The following TMPRSS7 variants were observed in gnomAD, a reference collection of about 807,000 sequenced individuals.
TMPRSS7 encodes transmembrane serine protease 7.
A neutral mutation model predicts 95.6 loss-of-function variants in TMPRSS7; 81 were observed. That is an observed-to-expected ratio of 0.85 (90% CI 0.71 to 1.02). The LOEUF is 1.02. Among genes scored for constraint, TMPRSS7 ranks in the 50% least tolerant of loss-of-function variants. The probability of loss-of-function intolerance (pLI) is 0.00; values close to 1 mark genes in which losing one functional copy is unlikely to be tolerated. For missense variants in TMPRSS7, 945 were observed against 955.2 expected (o/e 0.99, Z 0.14); for synonymous variants, 364 against 337.8 (o/e 1.08, Z -0.85).
Position 112,077,158 on chromosome 3 carries a change from T to G in TMPRSS7, c.2224+14T>G. 6.2e-7 allele frequency: 1 copy of G among 1,611,676 alleles called. No individual in the cohort carries two copies. Among genetic ancestry groups the G allele is most frequent in the Non-Finnish European group, 8.5e-7 (1 of 1,178,600 alleles). On this transcript the variant is annotated intron_variant, in intron 16 of 17. Coordinates refer to ENST00000452346, the Ensembl canonical transcript of TMPRSS7. ...GACACGAAGCAGGTGTGTGTATGAA[T>G]GAATGGTCATGCCCTTCCCCTGCAG...
At chr3:112,045,894 G>T (rs1261911771) in exon 5 of TMPRSS7, 2 of 1,551,878 alleles carry the variant, frequency 1.3e-6, no homozygotes. Flanking sequence ...GGACCTCTGT[G>T]GGGAGCTTGC....
chr3:112,063,649 T>G lies in TMPRSS7; in HGVS notation c.1555+17T>G. ...TGTTTTGCGGTGGGTATTCAAGATTTTAATATGACTTTCTTATGAATAAGT... is the reference window on the plus strand; with the variant it reads ...TGTTTTGCGGTGGGTATTCAAGATTGTAATATGACTTTCTTATGAATAAGT... On this transcript the variant is annotated intron_variant, in intron 12 of 17. Coordinates refer to ENST00000452346, the Ensembl canonical transcript of TMPRSS7. 6.3e-7 allele frequency: 1 copy of G among 1,584,590 alleles called. No homozygotes were observed. Among genetic ancestry groups the G allele is most frequent in the Non-Finnish European group, 8.7e-7 (1 of 1,153,216 alleles).
At chr3:112,042,238 C>A (rs953079917) in intron 3 of TMPRSS7, among the ~76,000 whole-genome samples, 188 bp downstream of exon 3, 1 of 152,000 alleles carries the variant, frequency 6.6e-6, no homozygotes, top group Non-Finnish European at 1.5e-5. Context: ...TAGAATTTCT[C>A]CCCCTGCCCC....
At chr3:112,045,937 C>T in exon 5 of TMPRSS7, 1 of 1,547,416 alleles carries the variant, frequency 6.5e-7, no homozygotes, top group Non-Finnish European at 8.7e-7. Context: ...CTCTGTGGTA[C>T]TAAATGGTGA....
chr3:112,058,793 C>T (rs1435617298), intron 10 of TMPRSS7, among the ~76,000 whole-genome samples: 1 of 152,148 alleles, frequency 6.6e-6, no homozygotes, highest in African/African-American at 2.4e-5. Context: ...TAAGTAGGAG[C>T]AGAATCTGCT....
chr3:112,052,568 G>T lies in TMPRSS7; in HGVS notation c.1203+1785G>T, dbSNP rs140350554. On this transcript the variant is annotated intron_variant, in intron 9 of 17. Coordinates refer to ENST00000452346, the Ensembl canonical transcript of TMPRSS7. ...GCCAGGTTCTCAAGGCTTCAGGGCA[G>T]CAGAAATGCAGGGCCTCAGATAAGC... is the stretch of plus-strand genomic sequence containing the variant. 4.5e-3 allele frequency among the ~76,000 whole-genome samples: 685 copies of T among 152,252 alleles called. 6 individuals carry two copies. Among genetic ancestry groups the T allele is most frequent in the African/African-American group, 0.016 (654 of 41,526 alleles).
rs148046106 is a variant in TMPRSS7, at chr3:112,040,893, C to T, written c.299-1027C>T. On this transcript the variant is annotated intron_variant, in intron 2 of 17. Transcript: ENST00000452346. ...GAGAAACAGGTAAACAGGGAGACTA[C>T]GGAGGATCTTGTACATTAGGCTGAA... Among the ~76,000 whole-genome samples the T allele has an allele frequency of 4.5e-3, 678 of 152,142 alleles. 3 individuals are homozygous for T. The highest frequency in any genetic ancestry group is 0.016 in the African/African-American group (646 of 41,484).
At chr3:112,052,049 G>A (rs1390001004) in intron 9 of TMPRSS7, among the ~76,000 whole-genome samples, 1 of 152,082 alleles carries the variant, frequency 6.6e-6, no homozygotes, top group Non-Finnish European at 1.5e-5. Context: ...TTACCTTCCA[G>A]TAGGGGAAGG....
chr3:112,060,284 CATT>C (rs1475289357), intron 10 of TMPRSS7, among the ~76,000 whole-genome samples: 2 of 151,716 alleles, frequency 1.3e-5, no homozygotes, highest in Non-Finnish European at 2.9e-5. Context: ...TTCGGGCACA[CATT>C]GTCATTGATA....
intron 15 of TMPRSS7, among the ~76,000 whole-genome samples, chr3:112,076,527 G>A (rs1456400583): frequency 1.3e-5 from 2 of 152,176 alleles, no homozygotes; most frequent in Non-Finnish European, 2.9e-5. Flanking sequence ...GCATGAATAG[G>A]AAGAATGTAA....
intron 9 of TMPRSS7, among the ~76,000 whole-genome samples, chr3:112,054,975 G>T (rs530706452): frequency 6.6e-6 from 1 of 151,918 alleles, no homozygotes; most frequent in East Asian, 1.9e-4. Context: ...TCCTGACGTC[G>T]TGATCCGCCC....
chr3:112,063,167 C>T (rs1446435258), intron 11 of TMPRSS7, among the ~76,000 whole-genome samples: 1 of 152,244 alleles, frequency 6.6e-6, no homozygotes, highest in Non-Finnish European at 1.5e-5. Flanking sequence ...AAAGACTCCA[C>T]ATTAGGAATG....
At chr3:112,047,148 C>T in intron 6 of TMPRSS7, 136 bp downstream of exon 6, 1 of 639,166 alleles carries the variant, frequency 1.6e-6, no homozygotes, top group Non-Finnish European at 2.8e-6. Context: ...CTGCCTTAAG[C>T]ACAAAAGAAA....
intron 7 of TMPRSS7, among the ~76,000 whole-genome samples, chr3:112,049,576 G>A (rs7622025): frequency 0.31 from 46,563 of 151,996 alleles, 7,288 homozygotes; most frequent in African/African-American, 0.34. Context: ...CTACTTTTAT[G>A]CCGTATTTGT....
chr3:112,067,137 T>C (rs1354189359), intron 13 of TMPRSS7, among the ~76,000 whole-genome samples: 1 of 152,240 alleles, frequency 6.6e-6, no homozygotes, highest in African/African-American at 2.4e-5. Context: ...GCTTCATCCA[T>C]GTCCCTGCAA....
exon 16 of TMPRSS7, chr3:112,077,029 C>T (rs774870852): frequency 1.9e-6 from 3 of 1,614,062 alleles, no homozygotes; most frequent in South Asian, 1.1e-5. Context: ...TCAGTATTGC[C>T]TGGCCTGAGA....
At chr3:112,079,416 G>T (rs1189705829) in intron 17 of TMPRSS7, among the ~76,000 whole-genome samples, 1 of 152,186 alleles carries the variant, frequency 6.6e-6, no homozygotes. Context: ...GTAAATAGAT[G>T]ATTTAGAGCA....
At chr3:112,066,897 G>T (rs940972451) in intron 13 of TMPRSS7, among the ~76,000 whole-genome samples, 5 of 151,932 alleles carry the variant, frequency 3.3e-5, no homozygotes, top group African/African-American at 1.2e-4. Flanking sequence ...TGTTACATAG[G>T]TATACTTGTG....
intron 9 of TMPRSS7, among the ~76,000 whole-genome samples, chr3:112,055,717 C>CTT (rs34141477): frequency 0.25 from 37,957 of 152,018 alleles, 4,834 homozygotes; most frequent in Middle Eastern, 0.28. Context: ...AGTTCACAAT[C>CTT]AGTACCAGGC....
Sources: gnomAD v4.1 joint callset for allele counts (sites outside exome capture counted in the v4.1 genomes callset) on GRCh38, gnomAD v4.1.1 for gene constraint, MANE v1.5 for transcripts, NCBI Gene and HGNC (gene_info 2026-07-23, HGNC 2026-07-21) for gene names.